Variants in PRSS23 observed in about 807,000 individuals in gnomAD.
PRSS23 encodes the protein serine protease 23.
PRSS23 carries 25 observed loss-of-function variants against 34.7 expected under a neutral mutation model. The ratio of observed to expected loss-of-function variants is 0.72; its 90% CI spans 0.53 to 1.01. The LOEUF is 1.01. PRSS23 is among the 50% of genes least tolerant of loss of function. The probability of loss-of-function intolerance (pLI) is 0.00; values close to 1 mark genes in which losing one functional copy is unlikely to be tolerated. For missense variants in PRSS23, 445 were observed against 475.6 expected (o/e 0.94, Z 0.60); for synonymous variants, 176 against 186.6 (o/e 0.94, Z 0.46).
chr11:86,908,506 C>T (rs1948957819), intron 2 of PRSS23, among the ~76,000 whole-genome samples: 1 of 152,120 alleles, frequency 6.6e-6, no homozygotes, highest in Non-Finnish European at 1.5e-5. Context: ...TTGGGCTGTC[C>T]CAGAAACCTG....
chr11:86,847,056 T>C (rs1285534152), intron 2 of PRSS23, among the ~76,000 whole-genome samples: 1 of 152,070 alleles, frequency 6.6e-6, no homozygotes, highest in South Asian at 2.1e-4. Flanking sequence ...TAATAATTGG[T>C]ATTGGAAGAA....
intron 2 of PRSS23, among the ~76,000 whole-genome samples, chr11:86,875,769 T>G (rs1348294940): frequency 6.6e-6 from 1 of 152,232 alleles, no homozygotes; most frequent in African/African-American, 2.4e-5. Context: ...AGATAGAGGT[T>G]ACAACAGCTG....
At chr11:86,942,546 T>C (rs950804889) in intron 2 of PRSS23, among the ~76,000 whole-genome samples, 6 of 152,072 alleles carry the variant, frequency 3.9e-5, no homozygotes, top group African/African-American at 7.2e-5. Context: ...TGAGTGAAAA[T>C]AGAATTGGGT....
intron 2 of PRSS23, among the ~76,000 whole-genome samples, chr11:86,830,663 T>C (rs1023222286): frequency 1.3e-5 from 2 of 152,178 alleles, no homozygotes; most frequent in African/African-American, 4.8e-5. Flanking sequence ...TATAGAAGTG[T>C]TGCTCCTCAT....
At chr11:86,847,144 GA>G (rs140903069) in intron 2 of PRSS23, among the ~76,000 whole-genome samples, 6,102 of 152,304 alleles carry the variant, frequency 0.04, 187 homozygotes, top group African/African-American at 0.079. Context: ...AGTGGGGACA[GA>G]AGGCTAAAGT....
intron 2 of PRSS23, among the ~76,000 whole-genome samples, chr11:86,888,158 AG>A (rs891326846): frequency 1.3e-5 from 2 of 151,662 alleles, no homozygotes; most frequent in African/African-American, 4.8e-5. Flanking sequence ...CTGCCACATA[AG>A]GCATGGTTAA....
chr11:86,922,417 C>T (rs1322849790), intron 2 of PRSS23, among the ~76,000 whole-genome samples: 2 of 152,140 alleles, frequency 1.3e-5, no homozygotes, highest in Admixed American at 6.5e-5. Flanking sequence ...GGGAGGACTG[C>T]TTGAGCCCAG....
rs201412660 is a variant in PRSS23 at position 86,808,612 on chromosome 11, G to C, written c.969G>C (p.Arg323Ser). 1.4e-5 allele frequency: 22 copies of C among 1,614,210 alleles called. No individual in the cohort carries two copies. The highest frequency in any genetic ancestry group is 1.9e-5 in the Non-Finnish European group (22 of 1,180,048). The change falls in exon 2 of 2, where the codon AGG (arginine) becomes AGC (serine). Residue 323 changes from arginine to serine, a missense_variant. By Grantham distance (110) the Arg-to-Ser change is moderately radical. Coordinates refer to ENST00000280258, the MANE Select transcript of PRSS23 (RefSeq NM_007173.6). ...PGASGSGVYV[R>S]MWKRQQQKWE... ...CCAGCGGGTCTGGGGTCTATGTGAG[G>C]ATGTGGAAGAGACAGCAGCAGAAGT...
At chr11:86,896,182 C>T (rs1028046945) in intron 2 of PRSS23, among the ~76,000 whole-genome samples, 1 of 151,990 alleles carries the variant, frequency 6.6e-6, no homozygotes, top group Non-Finnish European at 1.5e-5. Context: ...AATTACAGGG[C>T]AGATATTTCA....
At chr11:86,852,799 T>C (rs1201139227) in intron 2 of PRSS23, among the ~76,000 whole-genome samples, 1 of 152,194 alleles carries the variant, frequency 6.6e-6, no homozygotes, top group Non-Finnish European at 1.5e-5. Context: ...TGCAACTCTA[T>C]GCATTTAACT....
At chr11:86,889,705 A>G (rs1948828447) in intron 2 of PRSS23, among the ~76,000 whole-genome samples, 1 of 152,238 alleles carries the variant, frequency 6.6e-6, no homozygotes. Context: ...AAACCATCAC[A>G]GATCCCTCGT....
intron 2 of PRSS23, among the ~76,000 whole-genome samples, chr11:86,830,971 CG>C (rs1565358989): frequency 6.6e-6 from 1 of 151,984 alleles, no homozygotes; most frequent in African/African-American, 2.4e-5. Context: ...ATGTGCTACA[CG>C]GATGTTACTC....
intron 2 of PRSS23, chr11:86,857,599 C>G (rs950268314): frequency 2.0e-6 from 1 of 507,552 alleles, no homozygotes; most frequent in African/African-American, 2.0e-5. Flanking sequence ...GGTGAGGATT[C>G]ATGATGACTC....
chr11:86,929,202 T>A (rs1949105950), intron 2 of PRSS23, among the ~76,000 whole-genome samples: 1 of 151,822 alleles, frequency 6.6e-6, no homozygotes, highest in South Asian at 2.1e-4. Flanking sequence ...AAGTTTGTAA[T>A]CCCAGCTACT....
At chr11:86,939,315 C>T (rs1455238248) in intron 2 of PRSS23, among the ~76,000 whole-genome samples, 1 of 149,770 alleles carries the variant, frequency 6.7e-6, no homozygotes. Context: ...GTCATTAGAG[C>T]CCTCTTTTAA....
intron 2 of PRSS23, among the ~76,000 whole-genome samples, chr11:86,860,326 A>G (rs1036235878): frequency 6.6e-6 from 1 of 151,974 alleles, no homozygotes; most frequent in Admixed American, 6.6e-5. Context: ...ATATCCAGGT[A>G]GGGAGAGGGT....
At chr11:86,944,001 A>T (rs376122090) in intron 2 of PRSS23, among the ~76,000 whole-genome samples, 72 of 152,162 alleles carry the variant, frequency 4.7e-4, no homozygotes, top group Non-Finnish European at 7.5e-4. Flanking sequence ...TTGACCTCCC[A>T]AAGTGCTGGG....
chr11:86,852,117 C>G (rs1286065595), intron 2 of PRSS23, among the ~76,000 whole-genome samples: 4 of 152,206 alleles, frequency 2.6e-5, no homozygotes, highest in Admixed American at 2.6e-4. Context: ...CTCCCCTCTG[C>G]TGGGCCATGA....
chr11:86,827,171 G>T (rs1011583252), intron 2 of PRSS23, among the ~76,000 whole-genome samples: 19 of 152,156 alleles, frequency 1.2e-4, no homozygotes, highest in African/African-American at 3.9e-4. Context: ...CAATTTCAGA[G>T]CCTGTTATTG....
Sources: gnomAD v4.1 joint callset for allele counts (sites outside exome capture counted in the v4.1 genomes callset) on GRCh38, gnomAD v4.1.1 for gene constraint, MANE v1.5 for transcripts, NCBI Gene and HGNC (gene_info 2026-07-23, HGNC 2026-07-21) for gene names.